PRH1: variants seen among roughly 807,000 people sequenced by gnomAD.
PRH1 encodes proline rich protein HaeIII subfamily 1.
A neutral mutation model predicts 7.9 loss-of-function variants in PRH1; 7 were observed. The observed-to-expected ratio is 0.89, with a 90% CI of 0.50 to 1.67. The LOEUF is 1.67. Among genes scored for constraint, PRH1 ranks in the 40% most tolerant of loss-of-function variants. PRH1 has a pLI of 0.00. For missense variants in PRH1, 109 were observed against 223.6 expected (o/e 0.49, Z 3.27); for synonymous variants, 45 against 80.8 (o/e 0.56, Z 2.38).
intron 1 of PRH1, chr12:11,030,846 A>G: frequency 6.2e-7 from 1 of 1,614,174 alleles, no homozygotes; most frequent in Non-Finnish European, 8.5e-7. Flanking sequence ...TTGATCTTCC[A>G]AGTCAAGTTT....
At chr12:10,937,073 T>C in intron 2 of PRH1, among the ~76,000 whole-genome samples, 1 of 152,138 alleles carries the variant, frequency 6.6e-6, no homozygotes, top group South Asian at 2.1e-4. Flanking sequence ...AACTGTCTTC[T>C]GGCATACAGT....
At chr12:10,911,589 C>A (rs943221730) in intron 2 of PRH1, among the ~76,000 whole-genome samples, 1 of 152,096 alleles carries the variant, frequency 6.6e-6, no homozygotes. Flanking sequence ...AGTTTGCCAA[C>A]GTTGTGTTAG....
intron 1 of PRH1, among the ~76,000 whole-genome samples, chr12:11,056,230 T>C: frequency 6.6e-6 from 1 of 152,280 alleles, no homozygotes; most frequent in East Asian, 1.9e-4. Flanking sequence ...TTTATAACTA[T>C]TCCTTGGGCA....
intron 1 of PRH1, chr12:11,062,151 G>A (rs1943635787): frequency 6.2e-6 from 10 of 1,613,634 alleles, no homozygotes; most frequent in Non-Finnish European, 8.5e-6. Flanking sequence ...CCAGAGCAGT[G>A]AGAATTTGGT....
At chr12:11,145,175 T>A (rs1476050895) in intron 1 of PRH1, among the ~76,000 whole-genome samples, 4 of 152,136 alleles carry the variant, frequency 2.6e-5, no homozygotes, top group African/African-American at 9.7e-5. Flanking sequence ...GTGCCTATAC[T>A]TTTTTTGTTT....
At chr12:10,892,211 G>C (rs1384780125) in intron 2 of PRH1, among the ~76,000 whole-genome samples, 1 of 152,134 alleles carries the variant, frequency 6.6e-6, no homozygotes, top group African/African-American at 2.4e-5. Context: ...CACAAGATAA[G>C]AGCTAGACCA....
At chr12:11,169,437 T>C (rs966108648) in intron 1 of PRH1, among the ~76,000 whole-genome samples, 31 of 152,120 alleles carry the variant, frequency 2.0e-4, no homozygotes, top group African/African-American at 6.8e-4. Context: ...TCCCGTCCCA[T>C]TGGAATAGGC....
At chr12:10,926,723 G>A (rs909000259) in intron 2 of PRH1, among the ~76,000 whole-genome samples, 42 of 152,188 alleles carry the variant, frequency 2.8e-4, no homozygotes, top group African/African-American at 1.0e-3. Flanking sequence ...TATTTTGAAG[G>A]TGGAAGAAAT....
intron 1 of PRH1, among the ~76,000 whole-genome samples, chr12:11,160,979 T>C (rs372514358): frequency 2.6e-5 from 4 of 152,348 alleles, no homozygotes; most frequent in African/African-American, 9.6e-5. Context: ...CTACTCTTTT[T>C]TCTAAGCATA....
intron 1 of PRH1, among the ~76,000 whole-genome samples, chr12:11,136,061 C>T (rs933309105): frequency 9.2e-5 from 14 of 152,178 alleles, no homozygotes; most frequent in African/African-American, 4.8e-5. Context: ...CCTAGGTCCA[C>T]CTCCATGCCA....
chr12:11,066,011 A>G (rs1203233975), intron 1 of PRH1, among the ~76,000 whole-genome samples: 3 of 152,218 alleles, frequency 2.0e-5, no homozygotes, highest in Non-Finnish European at 2.9e-5. Flanking sequence ...TTTCTATTCC[A>G]TGATTTAAAT....
intron 2 of PRH1, among the ~76,000 whole-genome samples, chr12:10,923,873 A>G (rs966479338): frequency 6.6e-6 from 1 of 151,984 alleles, no homozygotes; most frequent in African/African-American, 2.4e-5. Flanking sequence ...AACATTTCTG[A>G]TAACATTGAA....
At chr12:10,921,342 T>C (rs1379940716) in intron 2 of PRH1, among the ~76,000 whole-genome samples, 8 of 152,116 alleles carry the variant, frequency 5.3e-5, no homozygotes, top group African/African-American at 1.9e-4. Flanking sequence ...TCAAAATCTT[T>C]GAAATTGTTG....
chr12:10,973,963 T>C (rs913412924), intron 1 of PRH1, among the ~76,000 whole-genome samples: 5 of 152,128 alleles, frequency 3.3e-5, no homozygotes, highest in Non-Finnish European at 7.4e-5. Context: ...AGAAATAATT[T>C]AAAAAGAACA....
intron 2 of PRH1, among the ~76,000 whole-genome samples, chr12:10,923,180 CA>C (rs1200866753): frequency 1.4e-5 from 2 of 144,526 alleles, no homozygotes; most frequent in Non-Finnish European, 3.0e-5. Flanking sequence ...GGCTGGAGTT[CA>C]ATGGTGTGAT....
At chr12:11,060,121 T>C (rs534786179) in intron 1 of PRH1, among the ~76,000 whole-genome samples, 1 of 152,268 alleles carries the variant, frequency 6.6e-6, no homozygotes, top group South Asian at 2.1e-4. Context: ...TTAAATCACA[T>C]TTTTAAAATT....
chr12:11,061,291 A>G (rs78022839), intron 1 of PRH1: 12 of 1,392,682 alleles, frequency 8.6e-6, no homozygotes, highest in Non-Finnish European at 1.1e-5. Context: ...CAGAAAACAC[A>G]GTAAGAAATA....
intron 1 of PRH1, chr12:11,021,623 C>T (rs780046973): frequency 1.2e-5 from 18 of 1,497,782 alleles, no homozygotes; most frequent in Non-Finnish European, 1.6e-5. Context: ...AGAAGACCCA[C>T]GATGCTCCCC....
At chr12:10,953,545 A>T (rs564551479) in intron 2 of PRH1, among the ~76,000 whole-genome samples, 1 of 152,224 alleles carries the variant, frequency 6.6e-6, no homozygotes, top group African/African-American at 2.4e-5. Context: ...GAAATTACTC[A>T]GTCAGGCAAA....
Sources: gnomAD v4.1 joint callset for allele counts (sites outside exome capture counted in the v4.1 genomes callset) on GRCh38, gnomAD v4.1.1 for gene constraint, MANE v1.5 for transcripts, NCBI Gene and HGNC (gene_info 2026-07-23, HGNC 2026-07-21) for gene names.